Variants in IMMP2L observed in about 807,000 individuals in gnomAD.
IMMP2L encodes the protein inner mitochondrial membrane peptidase subunit 2.
In IMMP2L, 18 loss-of-function variants were observed where a neutral mutation model predicts 19.3. That is an observed-to-expected ratio of 0.93 (90% CI 0.64 to 1.38). The LOEUF is 1.38. IMMP2L is among the 40% of genes most tolerant of loss of function. The probability of loss-of-function intolerance (pLI) is 0.00; values close to 1 mark genes in which losing one functional copy is unlikely to be tolerated. For missense variants in IMMP2L, 233 were observed against 218.2 expected (o/e 1.07, Z -0.43); for synonymous variants, 76 against 73.0 (o/e 1.04, Z -0.21).
chr7:111,503,406 T>C (rs1428263813), intron 2 of IMMP2L, among the ~76,000 whole-genome samples: 2 of 151,966 alleles, frequency 1.3e-5, no homozygotes, highest in East Asian at 1.9e-4. Context: ...GAGGAGCTGG[T>C]ACCATTCCTT....
At chr7:111,090,001 C>T (rs1796690078) in intron 3 of IMMP2L, among the ~76,000 whole-genome samples, 2 of 151,678 alleles carry the variant, frequency 1.3e-5, no homozygotes, top group Non-Finnish European at 2.9e-5. Context: ...TTTCTCTTTA[C>T]TCCACTAGAG....
intron 3 of IMMP2L, among the ~76,000 whole-genome samples, chr7:111,186,850 A>C (rs1808321772): frequency 6.6e-6 from 1 of 152,086 alleles, no homozygotes; most frequent in Non-Finnish European, 1.5e-5. Context: ...GGACAGGATG[A>C]GACAAAGGCA....
chr7:111,195,951 C>CT (rs1184058539), intron 3 of IMMP2L, among the ~76,000 whole-genome samples: 3 of 152,030 alleles, frequency 2.0e-5, no homozygotes, highest in African/African-American at 4.8e-5. Context: ...ACTGCACCCT[C>CT]GAACTCCTGG....
At chr7:111,352,614 G>C (rs565553336) in intron 3 of IMMP2L, among the ~76,000 whole-genome samples, 2 of 152,130 alleles carry the variant, frequency 1.3e-5, no homozygotes, top group Admixed American at 1.3e-4. Flanking sequence ...ACATCATTCT[G>C]ATTTTCCTCA....
At chr7:110,782,045 G>T (rs1433313059) in intron 5 of IMMP2L, among the ~76,000 whole-genome samples, 2 of 151,862 alleles carry the variant, frequency 1.3e-5, no homozygotes, top group Non-Finnish European at 2.9e-5. Flanking sequence ...GAGACCTGAA[G>T]ATTAATTTAG....
chr7:110,825,653 G>T (rs1197613616), intron 5 of IMMP2L, among the ~76,000 whole-genome samples: 1 of 152,086 alleles, frequency 6.6e-6, no homozygotes, highest in Non-Finnish European at 1.5e-5. Flanking sequence ...GCTGAAACTG[G>T]ATCCCTTCCT....
intron 3 of IMMP2L, among the ~76,000 whole-genome samples, chr7:111,414,884 G>GT (rs1392012924): frequency 6.6e-6 from 1 of 151,634 alleles, no homozygotes. Context: ...GAATTCTAAG[G>GT]TGGCATCCCA....
chr7:111,362,419 T>C (rs1829348600), intron 3 of IMMP2L, among the ~76,000 whole-genome samples: 1 of 152,062 alleles, frequency 6.6e-6, no homozygotes, highest in Admixed American at 6.6e-5. Flanking sequence ...TTTAAAATAG[T>C]TTATAGGCCT....
intron 5 of IMMP2L, among the ~76,000 whole-genome samples, chr7:110,862,863 T>C (rs1807590710): frequency 1.3e-5 from 2 of 151,942 alleles, no homozygotes; most frequent in Admixed American, 1.3e-4. Flanking sequence ...AGTACAGCCT[T>C]AGAAAATAAA....
At chr7:110,986,892 C>T (rs1187732777) in intron 3 of IMMP2L, among the ~76,000 whole-genome samples, 1 of 151,554 alleles carries the variant, frequency 6.6e-6, no homozygotes, top group Non-Finnish European at 1.5e-5. Context: ...TAGGGCTCCA[C>T]ATATTTTATC....
chr7:111,297,197 T>A (rs1821730024), intron 3 of IMMP2L, among the ~76,000 whole-genome samples: 1 of 152,092 alleles, frequency 6.6e-6, no homozygotes, highest in African/African-American at 2.4e-5. Context: ...TATATACATG[T>A]ACACTGAAAT....
chr7:110,854,212 C>T (rs1323305785), intron 5 of IMMP2L, among the ~76,000 whole-genome samples: 6 of 151,874 alleles, frequency 4.0e-5, no homozygotes, highest in African/African-American at 1.2e-4. Flanking sequence ...TACTTTTCCA[C>T]TTAACATATT....
chr7:110,850,341 A>G (rs1179483167), intron 5 of IMMP2L, among the ~76,000 whole-genome samples: 8 of 152,162 alleles, frequency 5.3e-5, no homozygotes, highest in Admixed American at 5.2e-4. Context: ...ACAATGACCC[A>G]GAAGTTACCA....
At chr7:111,201,883 A>C (rs1454288408) in intron 3 of IMMP2L, among the ~76,000 whole-genome samples, 1 of 152,176 alleles carries the variant, frequency 6.6e-6, no homozygotes, top group Non-Finnish European at 1.5e-5. Context: ...GGCTATGTGG[A>C]ATAAGCCCAA....
intron 5 of IMMP2L, among the ~76,000 whole-genome samples, chr7:110,717,427 T>C (rs906781953): frequency 5.9e-5 from 9 of 152,240 alleles, no homozygotes; most frequent in Non-Finnish European, 1.0e-4. Context: ...ATTGCGCCAC[T>C]GCGCTCCAGC....
chr7:111,478,356 T>C (rs1210626712), intron 3 of IMMP2L, among the ~76,000 whole-genome samples: 1 of 152,162 alleles, frequency 6.6e-6, no homozygotes, highest in Admixed American at 6.6e-5. Context: ...GCTGAAATTA[T>C]CCACCTTTTC....
At chr7:110,676,994 A>C (rs1792346444) in intron 5 of IMMP2L, among the ~76,000 whole-genome samples, 1 of 152,214 alleles carries the variant, frequency 6.6e-6, no homozygotes, top group Non-Finnish European at 1.5e-5. Context: ...AACATGATGC[A>C]ACAAGTGGAG....
chr7:111,382,187 G>A (rs975607944), intron 3 of IMMP2L, among the ~76,000 whole-genome samples: 4 of 151,874 alleles, frequency 2.6e-5, no homozygotes, highest in Non-Finnish European at 5.9e-5. Flanking sequence ...AGGACAGACA[G>A]CAAGTTCACT....
At chr7:110,937,713 C>A (rs141268060) in intron 4 of IMMP2L, among the ~76,000 whole-genome samples, 42 of 152,284 alleles carry the variant, frequency 2.8e-4, no homozygotes, top group Middle Eastern at 3.4e-3. Flanking sequence ...GCTTATACCA[C>A]CAAGTTCTTG....
Sources: gnomAD v4.1 joint callset for allele counts (sites outside exome capture counted in the v4.1 genomes callset) on GRCh38, gnomAD v4.1.1 for gene constraint, MANE v1.5 for transcripts, NCBI Gene and HGNC (gene_info 2026-07-23, HGNC 2026-07-21) for gene names.